APBB1IP: variants seen among roughly 807,000 people sequenced by gnomAD.
APBB1IP encodes amyloid beta A4 precursor protein-binding family B member 1-interacting protein.
Under a neutral mutation model 64.9 loss-of-function variants are expected in APBB1IP, and 27 were observed. The ratio of observed to expected loss-of-function variants is 0.42; its 90% CI spans 0.31 to 0.57. The LOEUF is 0.57. APBB1IP is among the 20% of genes least tolerant of loss of function. The probability of loss-of-function intolerance (pLI) is 0.20; values close to 1 mark genes in which losing one functional copy is unlikely to be tolerated. For synonymous variants in APBB1IP, 392 were observed against 331.0 expected, an observed-to-expected ratio of 1.18 and a Z score of -2.00; for missense variants, 812 against 845.5, an observed-to-expected ratio of 0.96 and a Z score of 0.49.
At chr10:26,448,909 T>C (rs780772274) in intron 2 of APBB1IP, among the ~76,000 whole-genome samples, 3 of 152,174 alleles carry the variant, frequency 2.0e-5, no homozygotes, top group Admixed American at 6.5e-5. Context: ...TCAACTCTTC[T>C]GTTTTCTTTT....
intron 8 of APBB1IP, among the ~76,000 whole-genome samples, chr10:26,531,615 C>A (rs1281966082): frequency 6.6e-6 from 1 of 151,312 alleles, no homozygotes; most frequent in South Asian, 2.1e-4. Context: ...TGCAGTGAAC[C>A]GAGATGGCGC....
chr10:26,498,130 T>G (rs1836050915), intron 4 of APBB1IP, among the ~76,000 whole-genome samples: 1 of 152,220 alleles, frequency 6.6e-6, no homozygotes. Flanking sequence ...GATTTTCTCT[T>G]TTTCCTACAC....
chr10:26,513,653 A>C lies in APBB1IP; in HGVS notation c.806A>C (p.Asn269Thr), dbSNP rs761989806. ...GAGGAGAAATATGCTGTATTTAAAA[A>C]CCCCCAGGTAAGATGATCTGCATAT... is the stretch of plus-strand genomic sequence containing the variant. ...EKEEKYAVFK[N>T]PQNFYLDNRG... Residue 269 changes from asparagine (N) to threonine (T), a missense_variant, in exon 8 of 15, where the codon AAC becomes ACC. Coordinates refer to ENST00000376236, the MANE Select transcript of APBB1IP (RefSeq NM_019043.4). The C allele has an allele frequency of 3.1e-6, 5 of 1,608,190 alleles. No individual in the cohort carries two copies. Among genetic ancestry groups the C allele is most frequent in the Non-Finnish European group, 4.2e-6 (5 of 1,178,706 alleles).
In APBB1IP at chr10:26,511,727, C is replaced by A. The variant is rs201060835; in HGVS notation, c.532-20C>A. The stretch of plus-strand genomic sequence containing the variant: ...TCCAGTTGCTGAAATTTACTGGCTG[C>A]CCCATGGTTCTATCCTCAGCTCGTC... On this transcript the variant is annotated intron_variant, in intron 6 of 14. Transcript: ENST00000376236. 1.6e-4 allele frequency: 260 copies of A among 1,609,762 alleles called. No individual in the cohort carries two copies. In the African/African-American group the frequency reaches 3.2e-3, roughly 20 times the overall value.
chr10:26,510,757 C>T (rs1488855860), intron 6 of APBB1IP, among the ~76,000 whole-genome samples: 1 of 151,586 alleles, frequency 6.6e-6, no homozygotes, highest in African/African-American at 2.4e-5. Context: ...CACACACACA[C>T]ACACACACAC....
chr10:26,476,151 C>G (rs1003035184), intron 2 of APBB1IP, among the ~76,000 whole-genome samples: 1 of 151,776 alleles, frequency 6.6e-6, no homozygotes, highest in Non-Finnish European at 1.5e-5. Context: ...CTCCGCCTCC[C>G]GGGTTCAATC....
intron 13 of APBB1IP, 133 bp downstream of exon 13, chr10:26,560,977 T>A: frequency 2.0e-6 from 1 of 499,512 alleles, no homozygotes; most frequent in Non-Finnish European, 3.3e-6. Flanking sequence ...ATGATCAGGC[T>A]CAAACTCCCC....
At chr10:26,523,679 T>C (rs1461392896) in intron 8 of APBB1IP, among the ~76,000 whole-genome samples, 1 of 151,990 alleles carries the variant, frequency 6.6e-6, no homozygotes, top group Non-Finnish European at 1.5e-5. Context: ...TGAAAGACCC[T>C]TGGCCAAGGC....
At chr10:26,547,018 T>C (rs1588614740) in intron 11 of APBB1IP, among the ~76,000 whole-genome samples, 1 of 152,260 alleles carries the variant, frequency 6.6e-6, no homozygotes, top group Non-Finnish European at 1.5e-5. Context: ...CTGCCAATGG[T>C]GCATAAGAGT....
At chr10:26,491,369 A>G (rs143369049) in intron 2 of APBB1IP, among the ~76,000 whole-genome samples, 1 of 152,322 alleles carries the variant, frequency 6.6e-6, no homozygotes, top group East Asian at 1.9e-4. Flanking sequence ...AGATGAAACA[A>G]TTGATTACCT....
intron 8 of APBB1IP, among the ~76,000 whole-genome samples, 176 bp from the exon 9 acceptor site, chr10:26,533,263 T>C (rs1372325435): frequency 6.6e-6 from 1 of 152,266 alleles, no homozygotes; most frequent in Non-Finnish European, 1.5e-5. Flanking sequence ...ACTCCTGCCT[T>C]GGCAATGTGG....
At chr10:26,497,230 T>A (rs973404900) in intron 4 of APBB1IP, among the ~76,000 whole-genome samples, 1 of 151,700 alleles carries the variant, frequency 6.6e-6, no homozygotes, top group South Asian at 2.1e-4. Context: ...AATGGAGACA[T>A]CTTTAGGCCA....
intron 2 of APBB1IP, among the ~76,000 whole-genome samples, chr10:26,443,919 G>A (rs3006804): frequency 0.25 from 37,804 of 152,100 alleles, 5,011 homozygotes; most frequent in East Asian, 0.49. Context: ...GAATGTCAGT[G>A]AACAAAAGAG....
At chr10:26,443,012 T>C (rs1251519076) in intron 2 of APBB1IP, among the ~76,000 whole-genome samples, 1 of 152,192 alleles carries the variant, frequency 6.6e-6, no homozygotes, top group Non-Finnish European at 1.5e-5. Context: ...TTGAATAGCA[T>C]AAAAACAACA....
rs557985767 is a variant in APBB1IP, at chr10:26,545,802, T to G, written c.1155+4110T>G. Among the ~76,000 whole-genome samples the G allele has an allele frequency of 1.3e-4, 19 of 144,590 alleles. 1 individual carries two copies. The South Asian group carries it at 4.1e-3, about 32-fold the overall frequency. The allele number at this position is 144,590 out of a possible 152,430, so 94.9% of individuals were successfully genotyped here. ...ACAAACAAAAAAAAACCACAAAAAT[T>G]AGCTGGGCGTGGTGGCACGCGCCTG... On this transcript the variant is annotated intron_variant, in intron 11 of 14. Transcript: ENST00000376236.
chr10:26,540,720 A>C (rs1483746432), intron 10 of APBB1IP, among the ~76,000 whole-genome samples: 3 of 152,218 alleles, frequency 2.0e-5, no homozygotes, highest in Non-Finnish European at 4.4e-5. Context: ...AATGGAACAC[A>C]TTTGTAATTG....
intron 2 of APBB1IP, among the ~76,000 whole-genome samples, chr10:26,481,826 CGTGTGTGTGTGTGTGT>C (rs71521683): frequency 2.8e-5 from 4 of 143,248 alleles, no homozygotes; most frequent in East Asian, 2.1e-4. Flanking sequence ...CATCTCATTA[CGTGTGTGTGTGTGTGT>C]GTGTGTGTGT....
intron 11 of APBB1IP, among the ~76,000 whole-genome samples, chr10:26,544,606 AG>A (rs773118443): frequency 6.6e-6 from 1 of 152,182 alleles, no homozygotes; most frequent in Non-Finnish European, 1.5e-5. Context: ...GCCAAACCCC[AG>A]GGCTGGGGTC....
intron 2 of APBB1IP, among the ~76,000 whole-genome samples, chr10:26,470,449 G>A (rs1006168756): frequency 6.6e-6 from 1 of 152,176 alleles, no homozygotes; most frequent in African/African-American, 2.4e-5. Context: ...TGAGGCAGGA[G>A]AATTGCTTGA....
Sources: allele counts gnomAD v4.1 joint callset (sites outside exome capture counted in the v4.1 genomes callset), GRCh38; gene constraint gnomAD v4.1.1; transcripts MANE v1.5; gene names NCBI Gene and HGNC (gene_info 2026-07-23, HGNC 2026-07-21).